The following ANKRD27 variants were observed in gnomAD, a reference collection of about 807,000 sequenced individuals.
The protein encoded by ANKRD27 is ankyrin repeat domain 27, also known as ankyrin repeat domain-containing protein 27.
In ANKRD27, 112 loss-of-function variants were observed where a neutral mutation model predicts 129.7. The ratio of observed to expected loss-of-function variants is 0.86; its 90% CI spans 0.74 to 1.01. The LOEUF is 1.01. Among genes scored for constraint, ANKRD27 ranks in the 50% least tolerant of loss-of-function variants. The pLI is 0.00. For synonymous variants in ANKRD27, 516 were observed against 511.2 expected, an observed-to-expected ratio of 1.01 and a Z score of -0.13; for missense variants, 1,258 against 1,300.5, an observed-to-expected ratio of 0.97 and a Z score of 0.50.
chr19:32,668,019 T>C (rs1445239300), intron 1 of ANKRD27, among the ~76,000 whole-genome samples: 9 of 152,218 alleles, frequency 5.9e-5, no homozygotes, highest in Non-Finnish European at 1.5e-5. Context: ...AATGCTTCCT[T>C]GGGAAAACAC....
intron 16 of ANKRD27, among the ~76,000 whole-genome samples, chr19:32,626,328 C>T (rs1164638837): frequency 6.6e-6 from 1 of 152,088 alleles, no homozygotes; most frequent in Non-Finnish European, 1.5e-5. Context: ...CCATCATGCC[C>T]AGATAATTTT....
intron 20 of ANKRD27, 119 bp from the exon 21 acceptor site, chr19:32,617,752 AGT>A: frequency 5.1e-6 from 2 of 395,946 alleles, no homozygotes; most frequent in South Asian, 3.7e-5. Context: ...CGTCTGATTT[AGT>A]TTTTTTTTTT....
intron 12 of ANKRD27, among the ~76,000 whole-genome samples, chr19:32,633,381 G>A (rs1967034752): frequency 1.5e-5 from 2 of 137,014 alleles, no homozygotes; most frequent in African/African-American, 5.5e-5. Context: ...CTCCCAAGCT[G>A]GACTGCAGTG....
chr19:32,658,895 C>T lies in ANKRD27; in HGVS notation c.102+19G>A, dbSNP rs1435397564. 12 of 1,600,690 alleles carry T rather than the reference C, an allele frequency of 7.5e-6. No individual in the cohort carries two copies. The highest frequency in any genetic ancestry group is 2.7e-5 in the African/African-American group (2 of 74,602). On this transcript the variant is annotated intron_variant, in intron 2 of 28. Transcript: ENST00000306065. ...AACCATTCATGCCTCAGGACAACCC[C>T]GAGGCTCAGTGCACTTACAATGCCA...
intron 12 of ANKRD27, 22 bp from the exon 13 acceptor site, chr19:32,631,516 C>T (rs1289330220): frequency 6.3e-7 from 1 of 1,599,954 alleles, no homozygotes; most frequent in Admixed American, 1.7e-5. Context: ...AAACCAAACA[C>T]ACCACGAGAT....
chr19:32,662,564 T>G (rs573799142), intron 1 of ANKRD27, among the ~76,000 whole-genome samples: 1 of 151,954 alleles, frequency 6.6e-6, no homozygotes, highest in South Asian at 2.1e-4. Context: ...TAGCAAGACC[T>G]TGTCTCTACA....
chr19:32,669,789 G>C (rs1967830985), intron 1 of ANKRD27, among the ~76,000 whole-genome samples: 1 of 152,056 alleles, frequency 6.6e-6, no homozygotes, highest in African/African-American at 2.4e-5. Flanking sequence ...CTGAAGTCAG[G>C]AGTTCAAGAC....
chr19:32,602,179 G>T, intron 25 of ANKRD27, 53 bp from the exon 26 acceptor site: 2 of 1,129,922 alleles, frequency 1.8e-6, no homozygotes, highest in Non-Finnish European at 2.6e-6. Context: ...TTTTTAATAG[G>T]TTATTATTTG....
In ANKRD27 at chr19:32,662,781, G is replaced by A. The variant is rs545599868; in HGVS notation, c.-30-3736C>T. Among the ~76,000 whole-genome samples the A allele has an allele frequency of 3.4e-4, 51 of 152,010 alleles. 2 individuals carry two copies. In the Middle Eastern group the frequency reaches 0.014, roughly 41 times the overall value. ...AAAAAGGCCAGGCACGGTGGCTCAC[G>A]CCTCTAATCTCAACACTTTGGGAGG... On this transcript the variant is annotated intron_variant, in intron 1 of 28. Coordinates refer to ENST00000306065, the MANE Select transcript of ANKRD27 (RefSeq NM_032139.3).
intron 25 of ANKRD27, among the ~76,000 whole-genome samples, chr19:32,603,126 G>A (rs540027688): frequency 9.9e-5 from 15 of 151,934 alleles, no homozygotes; most frequent in African/African-American, 1.2e-4. Flanking sequence ...GGTGAAACCC[G>A]TCTCTACAAA....
rs1013915290 is a variant in ANKRD27 at position 32,628,852 on chromosome 19, G to A, written c.1210-3C>T. 3.0e-5 allele frequency: 49 copies of A among 1,614,000 alleles called. No individual in the cohort carries two copies. The highest frequency in any genetic ancestry group is 4.2e-5 in the Non-Finnish European group (49 of 1,179,932). On this transcript the variant is annotated splice_region_variant and splice_polypyrimidine_tract_variant and intron_variant, in intron 13 of 28. Transcript: ENST00000306065. ...TTCTGGTTACCTGATGCAATGTGCT[G>A]AAAAGTGACATCCAAGATGCTATCC...
intron 12 of ANKRD27, among the ~76,000 whole-genome samples, chr19:32,635,419 C>T (rs1223040695): frequency 6.6e-6 from 1 of 152,206 alleles, no homozygotes; most frequent in Non-Finnish European, 1.5e-5. Context: ...TTCTGATCTG[C>T]ACACACGCAT....
intron 12 of ANKRD27, among the ~76,000 whole-genome samples, chr19:32,635,368 ACT>A (rs1967070060): frequency 6.6e-6 from 1 of 152,094 alleles, no homozygotes; most frequent in Non-Finnish European, 1.5e-5. Flanking sequence ...AACAAGTCAA[ACT>A]CACAACTCTT....
chr19:32,630,592 G>A (rs983506495), intron 13 of ANKRD27, among the ~76,000 whole-genome samples: 7 of 152,224 alleles, frequency 4.6e-5, no homozygotes, highest in African/African-American at 9.6e-5. Context: ...CCTGGCCTGC[G>A]CCCACAGTGT....
At chr19:32,660,400 G>A (rs7253866) in intron 1 of ANKRD27, among the ~76,000 whole-genome samples, 36 of 152,206 alleles carry the variant, frequency 2.4e-4, no homozygotes, top group Middle Eastern at 3.4e-3. Context: ...AAAATTAGCT[G>A]GGTGTGGTGG....
At chr19:32,626,590 C>T (rs554445755) in intron 16 of ANKRD27, 122 bp downstream of exon 16, 105 of 692,968 alleles carry the variant, frequency 1.5e-4, no homozygotes, top group Non-Finnish European at 2.2e-4. Flanking sequence ...TGGTGTGGAA[C>T]GAGGGGGGCA....
At chr19:32,607,881 AC>A in intron 22 of ANKRD27, 49 bp from the exon 23 acceptor site, 2 of 1,548,734 alleles carry the variant, frequency 1.3e-6, no homozygotes, top group Non-Finnish European at 1.7e-6. Context: ...TATTGAAGAA[AC>A]TGGGCTGGAG....
intron 1 of ANKRD27, among the ~76,000 whole-genome samples, chr19:32,670,176 C>T (rs1599780745): frequency 6.6e-6 from 1 of 152,154 alleles, no homozygotes; most frequent in Non-Finnish European, 1.5e-5. Flanking sequence ...AAACACACCA[C>T]GCCCTTAACA....
At chr19:32,599,815 G>C (rs899286109) in intron 27 of ANKRD27, 39 bp from the exon 28 acceptor site, 2 of 1,604,608 alleles carry the variant, frequency 1.2e-6, no homozygotes, top group African/African-American at 2.7e-5. Flanking sequence ...ATTTGGGACA[G>C]TGGCATGAAA....
Sources: allele counts gnomAD v4.1 joint callset (sites outside exome capture counted in the v4.1 genomes callset), GRCh38; gene constraint gnomAD v4.1.1; transcripts MANE v1.5; gene names NCBI Gene and HGNC (gene_info 2026-07-23, HGNC 2026-07-21).